The following CP variants were observed in gnomAD, a reference collection of about 807,000 sequenced individuals.
The protein encoded by CP is ceruloplasmin.
A neutral mutation model predicts 122.4 loss-of-function variants in CP; 64 were observed. That is an observed-to-expected ratio of 0.52 (90% CI 0.43 to 0.64). CP has a LOEUF of 0.64. Among genes scored for constraint, CP ranks in the 30% least tolerant of loss-of-function variants. The pLI is 0.00. For missense variants in CP, 1,167 were observed against 1,284.4 expected (o/e 0.91, Z 1.40); for synonymous variants, 440 against 436.4 (o/e 1.01, Z -0.10).
chr3:149,212,307 A>G (rs1295860826), intron 2 of CP, 144 bp downstream of exon 2: 1 of 857,834 alleles, frequency 1.2e-6, no homozygotes, highest in Non-Finnish European at 1.7e-6. Flanking sequence ...GTCAAAAAAA[A>G]TTAAAAAAAA....
chr3:149,201,995 T>G, intron 7 of CP, 107 bp downstream of exon 7: 1 of 1,426,214 alleles, frequency 7.0e-7, no homozygotes, highest in Non-Finnish European at 9.9e-7. Context: ...ACACGCCTAC[T>G]TAACACATAG....
intron 1 of CP, among the ~76,000 whole-genome samples, chr3:149,213,898 A>T (rs1728280519): frequency 6.6e-6 from 1 of 152,144 alleles, no homozygotes. Flanking sequence ...TGGTTTTTCA[A>T]AAGTCTAAGG....
intron 1 of CP, chr3:149,218,029 A>G (rs1728577150): frequency 4.8e-6 from 1 of 210,526 alleles, no homozygotes; most frequent in Non-Finnish European, 1.1e-5. Flanking sequence ...TAAGAACTGT[A>G]TGTTAAGAAA....
At chr3:149,176,097 T>A in intron 18 of CP, 153 bp downstream of exon 18, 1 of 715,170 alleles carries the variant, frequency 1.4e-6, no homozygotes, top group African/African-American at 1.8e-5. Flanking sequence ...AGGAAAAAAA[T>A]CCTGTTTGGA....
intron 9 of CP, among the ~76,000 whole-genome samples, chr3:149,188,632 G>T (rs798841): frequency 6.6e-6 from 1 of 151,012 alleles, no homozygotes; most frequent in East Asian, 2.0e-4. Flanking sequence ...ATTTGAGGAA[G>T]AAATCATCCC....
intron 3 of CP, among the ~76,000 whole-genome samples, chr3:149,209,876 C>G (rs770627403): frequency 4.6e-5 from 7 of 152,114 alleles, no homozygotes; most frequent in Admixed American, 2.6e-4. Context: ...TTGGTAAAGT[C>G]ATATGTCTCT....
rs762780661 is a variant in CP, at chr3:149,221,768, A to C, written c.25T>G (p.Phe9Val). Residue 9 changes from phenylalanine (F) to valine (V), a missense_variant, in exon 1 of 19, where the codon TTT becomes GTT. Phe to Val is a conservative substitution (Grantham distance 50). Around this residue, in one of 2 missense-constraint regions of CP, gnomAD observed 642 missense variants for 627.3 expected, o/e 1.02. Transcript: ENST00000264613. ...GCTGGGGTACTACATAAAAACAGAA[A>C]AATACCAAGTATCAAAATCTTCATT... MKILILGI[F>V]LFLCSTPAWA... The C allele has an allele frequency of 5.0e-6, 8 of 1,613,868 alleles. No individual in the cohort carries two copies. Among genetic ancestry groups the C allele is most frequent in the Admixed American group, 3.3e-5 (2 of 59,988 alleles).
chr3:149,163,879 G>T, intron 5 of CP: 2 of 1,585,086 alleles, frequency 1.3e-6, no homozygotes, highest in Middle Eastern at 1.7e-4. Context: ...ATTTATCCAT[G>T]GGTTCACGTC....
chr3:149,196,729 C>T (rs1425593891), intron 9 of CP, among the ~76,000 whole-genome samples: 1 of 60,804 alleles, frequency 1.6e-5, no homozygotes, highest in Non-Finnish European at 4.2e-5. Flanking sequence ...CACAATGCTA[C>T]TTAAAAGTAA....
intron 14 of CP, among the ~76,000 whole-genome samples, chr3:149,181,130 G>C (rs923734909): frequency 2.0e-5 from 3 of 152,180 alleles, no homozygotes; most frequent in Admixed American, 2.0e-4. Flanking sequence ...CTTAAAAGGT[G>C]TCCATCAGAA....
At chr3:149,168,000 T>TG (rs768227421), downstream of CP, 47 of 1,356,148 alleles carry the variant, frequency 3.5e-5, no homozygotes, top group Non-Finnish European at 4.7e-5. Context: ...TGATTTTTTT[T>TG]TTGCTTGATT....
chr3:149,166,939 C>A, intron 4 of CP: 3 of 929,790 alleles, frequency 3.2e-6, no homozygotes, highest in Non-Finnish European at 5.3e-6. Flanking sequence ...TTATTTTTGG[C>A]AAGTGAGGTT....
intron 1 of CP, among the ~76,000 whole-genome samples, chr3:149,221,315 A>G (rs1728793772): frequency 6.6e-6 from 1 of 152,224 alleles, no homozygotes; most frequent in Non-Finnish European, 1.5e-5. Flanking sequence ...GGTGCAATAA[A>G]CATAACATTG....
intron 9 of CP, among the ~76,000 whole-genome samples, chr3:149,197,477 GACAGAAGTGCCCAGTACC>G (rs1169134208): frequency 1.3e-5 from 2 of 151,064 alleles, no homozygotes; most frequent in East Asian, 3.9e-4. Flanking sequence ...TGTACTCCCT[GACAGAAGTGCCCAGTACC>G]ACATTTGAAG....
chr3:149,169,894 G>C (rs1182914090), downstream of CP, among the ~76,000 whole-genome samples: 2 of 152,140 alleles, frequency 1.3e-5, no homozygotes, highest in Non-Finnish European at 2.9e-5. Flanking sequence ...ATATTTTCTA[G>C]ACATGCTGGA....
intron 9 of CP, among the ~76,000 whole-genome samples, chr3:149,197,418 C>T (rs941387970): frequency 4.6e-5 from 7 of 151,692 alleles, no homozygotes; most frequent in Non-Finnish European, 8.8e-5. Context: ...TCTAGGAAAC[C>T]ATCATCAGTA....
At chr3:149,176,708 T>G in intron 17 of CP, 1 of 335,552 alleles carries the variant, frequency 3.0e-6, no homozygotes. Context: ...GTCATAGCAC[T>G]TAAGCTACAC....
rs1002168399 is a variant in CP, at chr3:149,210,194, T to C, written c.580A>G (p.Ile194Val). 3.1e-6 allele frequency: 5 copies of C among 1,613,950 alleles called. No homozygotes were observed. The highest frequency in any genetic ancestry group is 3.4e-6 in the Non-Finnish European group (4 of 1,179,936). The change falls in exon 3 of 19, where the codon ATC (isoleucine) becomes GTC (valine). Residue 194 changes from isoleucine (I) to valine (V), a missense_variant. Ile to Val is a conservative substitution (Grantham distance 29). Transcript: ENST00000264613. The stretch of plus-strand genomic sequence containing the variant: ...TTTTTACAGATTATTAAAGGTCCGA[T>C]GAGTCCTGAGGCAATATCTTTTGGA... Reference protein sequence around the residue: ...DAPKDIASGLIGPLIICKKDS... With the variant: ...DAPKDIASGLVGPLIICKKDS...
intron 9 of CP, among the ~76,000 whole-genome samples, chr3:149,191,356 T>C (rs757656391): frequency 1.1e-4 from 16 of 150,908 alleles, no homozygotes; most frequent in Non-Finnish European, 2.2e-4. Flanking sequence ...CTTCCTCCCA[T>C]ATACACTAGA....
Sources: gnomAD v4.1 joint callset for allele counts (sites outside exome capture counted in the v4.1 genomes callset) on GRCh38, gnomAD v4.1.1 for gene constraint, gnomAD v4.1.1 regional missense constraint, MANE v1.5 for transcripts, NCBI Gene and HGNC (gene_info 2026-07-23, HGNC 2026-07-21) for gene names.